STPG2: variants seen among roughly 807,000 people sequenced by gnomAD.
The protein encoded by STPG2 is sperm-tail PG-rich repeat-containing protein 2.
STPG2 carries 56 observed loss-of-function variants against 54.2 expected under a neutral mutation model. The observed-to-expected ratio is 1.03, with a 90% CI of 0.83 to 1.29. The LOEUF is 1.29. Among genes scored for constraint, STPG2 ranks in the 50% most tolerant of loss-of-function variants. The pLI is 0.00. For missense variants in STPG2, 596 were observed against 544.9 expected (o/e 1.09, Z -0.93); for synonymous variants, 200 against 181.8 (o/e 1.10, Z -0.81).
intron 5 of STPG2, among the ~76,000 whole-genome samples, chr4:98,095,372 T>A (rs1352702870): frequency 1.3e-5 from 2 of 152,042 alleles, no homozygotes; most frequent in Admixed American, 1.3e-4. Flanking sequence ...TTAAAAGACA[T>A]AGAGCAGCTG....
At chr4:97,784,296 T>A (rs1726754761) in intron 9 of STPG2, among the ~76,000 whole-genome samples, 1 of 152,114 alleles carries the variant, frequency 6.6e-6, no homozygotes, top group Admixed American at 6.6e-5. Flanking sequence ...TGGAATATTT[T>A]CTAAGTGTAA....
chr4:98,029,855 C>T lies in STPG2; in HGVS notation c.613-48537G>A, dbSNP rs143035275. 1.3e-3 allele frequency among the ~76,000 whole-genome samples: 195 copies of T among 152,306 alleles called. 1 individual carries two copies. Among genetic ancestry groups the T allele is most frequent in the African/African-American group, 4.5e-3 (188 of 41,570 alleles). On this transcript the variant is annotated intron_variant, in intron 5 of 10. Transcript: ENST00000295268. The stretch of plus-strand genomic sequence containing the variant: ...CTTCTGGTTCCCACTCAAAACTGCA[C>T]ACTTATCAGTATCTCAGTAGAAAGG...
chr4:97,889,115 C>A (rs1730678812), intron 8 of STPG2, among the ~76,000 whole-genome samples: 1 of 152,122 alleles, frequency 6.6e-6, no homozygotes, highest in Non-Finnish European at 1.5e-5. Context: ...TCAGGTATTT[C>A]TTTATAGCAA....
chr4:97,636,977 C>G (rs1014512304), intron 10 of STPG2, among the ~76,000 whole-genome samples: 24 of 134,158 alleles, frequency 1.8e-4, no homozygotes, highest in South Asian at 2.5e-4. Context: ...AGGGAATCCT[C>G]CCTAACTCAT....
intron 7 of STPG2, among the ~76,000 whole-genome samples, chr4:97,946,581 G>T (rs927385470): frequency 2.6e-5 from 4 of 152,048 alleles, no homozygotes; most frequent in Non-Finnish European, 5.9e-5. Context: ...AAAATGAGAT[G>T]TAGGGATTCA....
At chr4:98,019,210 G>T (rs895126957) in intron 5 of STPG2, among the ~76,000 whole-genome samples, 2 of 152,166 alleles carry the variant, frequency 1.3e-5, no homozygotes, top group Non-Finnish European at 2.9e-5. Flanking sequence ...GTGTAAGGAA[G>T]GGATCCAGTT....
intron 10 of STPG2, among the ~76,000 whole-genome samples, chr4:97,656,380 G>A (rs2148957589): frequency 6.6e-6 from 1 of 152,238 alleles, no homozygotes; most frequent in Middle Eastern, 3.4e-3. Flanking sequence ...GAACAGAGAT[G>A]TGCTTCAGAG....
In STPG2 at chr4:97,866,384, G is replaced by A. The variant is rs781147549; in HGVS notation, c.1045-25452C>T. ...CCCCATAAATACACACACATACTAC[G>A]TACCCACAAAAACTAAAAAATGTTT... On this transcript the variant is annotated intron_variant, in intron 8 of 10. Coordinates refer to ENST00000295268, the MANE Select transcript of STPG2 (RefSeq NM_174952.3). Among the ~76,000 whole-genome samples the A allele has an allele frequency of 5.3e-5, 8 of 151,828 alleles. No homozygotes were observed. The South Asian group carries it at 6.2e-4, about 12-fold the overall frequency.
chr4:97,973,336 G>T (rs1441306873), intron 6 of STPG2, among the ~76,000 whole-genome samples: 1 of 152,202 alleles, frequency 6.6e-6, no homozygotes, highest in Admixed American at 6.5e-5. Flanking sequence ...GGAGAGACAT[G>T]ATTTAGGGTA....
At chr4:97,743,573 A>G (rs1475972604) in intron 9 of STPG2, among the ~76,000 whole-genome samples, 2 of 151,724 alleles carry the variant, frequency 1.3e-5, no homozygotes, top group Non-Finnish European at 3.0e-5. Flanking sequence ...AACAAGTTAA[A>G]GAAGATGCCA....
chr4:98,128,447 G>A lies in STPG2; in HGVS notation c.368C>T (p.Ala123Val). 8 of 1,609,404 alleles carry A rather than the reference G, an allele frequency of 5.0e-6. No homozygotes were observed. Among genetic ancestry groups the A allele is most frequent in the Non-Finnish European group, 6.8e-6 (8 of 1,178,648 alleles). Reference protein sequence around the residue: ...PPACDSTLGPAYYKPQFDVSN... With the variant: ...PPACDSTLGPVYYKPQFDVSN... Reference sequence around the variant, plus strand: ...ACTTACAAATTGAGGTTTGTAGTATGCTGGACCAAGTGTACTGTCACAAGC... The same window carrying A: ...ACTTACAAATTGAGGTTTGTAGTATACTGGACCAAGTGTACTGTCACAAGC... The change falls in exon 3 of 11, where the codon GCA (alanine) becomes GTA (valine). Residue 123 changes from alanine to valine, a missense_variant. Ala to Val is a moderately conservative substitution (Grantham distance 64). Coordinates refer to ENST00000295268, the MANE Select transcript of STPG2 (RefSeq NM_174952.3).
At chr4:98,067,955 A>C (rs28427190) in intron 5 of STPG2, among the ~76,000 whole-genome samples, 1 of 151,864 alleles carries the variant, frequency 6.6e-6, no homozygotes, top group South Asian at 2.1e-4. Context: ...AAGCAGGGTT[A>C]TTTTTTTTAC....
At chr4:97,800,017 T>C (rs894683625) in intron 9 of STPG2, among the ~76,000 whole-genome samples, 1 of 152,232 alleles carries the variant, frequency 6.6e-6, no homozygotes, top group African/African-American at 2.4e-5. Flanking sequence ...TCTCGTGCCA[T>C]GGTTTTCAGT....
Position 97,598,176 on chromosome 4 carries a change from A to T in STPG2, c.1321-39059T>A, listed in dbSNP as rs1282416547. ...AAACAAATACGTAGGAATACAGCTA[A>T]CAGGGAAGGTGAAATATCTCTACAG... is the stretch of plus-strand genomic sequence containing the variant. On this transcript the variant is annotated intron_variant, in intron 10 of 10. Coordinates refer to ENST00000295268, the MANE Select transcript of STPG2 (RefSeq NM_174952.3). Among the ~76,000 whole-genome samples the T allele has an allele frequency of 1.3e-5, 2 of 152,166 alleles. 1 individual carries two copies. Among genetic ancestry groups the T allele is most frequent in the Non-Finnish European group, 2.9e-5 (2 of 68,024 alleles).
At chr4:97,590,630 GAC>G (rs1553940782) in intron 10 of STPG2, among the ~76,000 whole-genome samples, 1 of 90,184 alleles carries the variant, frequency 1.1e-5, no homozygotes, top group Non-Finnish European at 2.2e-5. Flanking sequence ...CATACACACA[GAC>G]ACACAGACAC....
chr4:97,927,812 A>C (rs1732393802), intron 8 of STPG2, among the ~76,000 whole-genome samples: 1 of 152,076 alleles, frequency 6.6e-6, no homozygotes, highest in Non-Finnish European at 1.5e-5. Flanking sequence ...TATAGTACTC[A>C]ATGAGTTAAT....
At chr4:97,456,910 A>AAAAAAAAAAAAAT (rs1729540470) in intron 4 of STPG2, among the ~76,000 whole-genome samples, 1 of 126,738 alleles carries the variant, frequency 7.9e-6, no homozygotes, top group African/African-American at 4.5e-5. Context: ...AAAAAAGAAA[A>AAAAAAAAAAAAAT]TTAAAAAAAA....
At chr4:97,608,992 T>C (rs1273815011) in intron 10 of STPG2, among the ~76,000 whole-genome samples, 1 of 152,094 alleles carries the variant, frequency 6.6e-6, no homozygotes, top group Non-Finnish European at 1.5e-5. Context: ...ACATTTTTAA[T>C]GGTATGGATT....
Position 97,913,854 on chromosome 4 carries a change from A to T in STPG2, c.1044+30043T>A, listed in dbSNP as rs533305479. 3.3e-5 allele frequency among the ~76,000 whole-genome samples: 5 copies of T among 152,318 alleles called. No homozygotes were observed. The South Asian group carries it at 8.3e-4, about 25-fold the overall frequency. ...ATATTAAATTTAATAAGCAAATTTA[A>T]ATGAGCAAGTTGAAGAAAAATTTTA... is the stretch of plus-strand genomic sequence containing the variant. On this transcript the variant is annotated intron_variant, in intron 8 of 10. Coordinates refer to ENST00000295268, the MANE Select transcript of STPG2 (RefSeq NM_174952.3).
Sources: gnomAD v4.1 joint callset for allele counts (sites outside exome capture counted in the v4.1 genomes callset) on GRCh38, gnomAD v4.1.1 for gene constraint, MANE v1.5 for transcripts, NCBI Gene and HGNC (gene_info 2026-07-23, HGNC 2026-07-21) for gene names.